RERE: variants seen among roughly 807,000 people sequenced by gnomAD.
The protein encoded by RERE is arginine-glutamic acid dipeptide repeats.
In RERE, 40 loss-of-function variants were observed where a neutral mutation model predicts 146.1. The ratio of observed to expected loss-of-function variants is 0.27; its 90% CI spans 0.21 to 0.36. RERE has a LOEUF of 0.36. Ranked by LOEUF, RERE falls within the 10% of genes least tolerant of loss-of-function variation. The probability of loss-of-function intolerance (pLI) is 1.00; values close to 1 mark genes in which losing one functional copy is unlikely to be tolerated. For missense variants in RERE, 1,933 were observed against 2,138.7 expected (o/e 0.90, Z 1.90); for synonymous variants, 1,003 against 866.0 (o/e 1.16, Z -2.78).
At chr1:8,414,834 A>T (rs2124461956) in intron 12 of RERE, among the ~76,000 whole-genome samples, 1 of 152,236 alleles carries the variant, frequency 6.6e-6, no homozygotes, top group Admixed American at 6.5e-5. Flanking sequence ...ATGGTTTTCA[A>T]ATTATACATG....
intron 1 of RERE, among the ~76,000 whole-genome samples, chr1:8,802,679 A>G (rs1165495199): frequency 1.3e-5 from 2 of 152,192 alleles, no homozygotes; most frequent in East Asian, 1.9e-4. Flanking sequence ...AGTTGTGTAC[A>G]TGTCTCATCT....
intron 1 of RERE, among the ~76,000 whole-genome samples, chr1:8,793,603 A>T (rs765518789): frequency 1.3e-5 from 2 of 152,216 alleles, no homozygotes; most frequent in Non-Finnish European, 2.9e-5. Context: ...TAACCAAACC[A>T]AAAGTGAGAA....
intron 12 of RERE, among the ~76,000 whole-genome samples, chr1:8,392,824 TC>T (rs1366180635): frequency 6.6e-6 from 1 of 152,236 alleles, no homozygotes; most frequent in Non-Finnish European, 1.5e-5. Flanking sequence ...GAGCAAAGTT[TC>T]AGCTCTTCGT....
At chr1:8,743,984 T>C (rs1177097521) in intron 1 of RERE, among the ~76,000 whole-genome samples, 1 of 152,214 alleles carries the variant, frequency 6.6e-6, no homozygotes, top group Admixed American at 6.5e-5. Flanking sequence ...TTGCTGCTGC[T>C]TCCTCAGCAC....
chr1:8,452,603 C>T (rs1272269095), intron 11 of RERE, among the ~76,000 whole-genome samples: 2 of 151,998 alleles, frequency 1.3e-5, no homozygotes, highest in Non-Finnish European at 2.9e-5. Flanking sequence ...GAAGAACAAA[C>T]TAACAATGAT....
At chr1:8,583,013 G>A (rs959883349) in intron 4 of RERE, among the ~76,000 whole-genome samples, 1 of 152,128 alleles carries the variant, frequency 6.6e-6, no homozygotes, top group African/African-American at 2.4e-5. Context: ...AGGATAAAAC[G>A]ATTCCTCTGT....
intron 4 of RERE, among the ~76,000 whole-genome samples, chr1:8,590,078 AG>A (rs1322742462): frequency 5.9e-5 from 9 of 152,292 alleles, no homozygotes; most frequent in African/African-American, 2.2e-4. Flanking sequence ...AGTCCCTTGC[AG>A]GAACACTCCT....
intron 12 of RERE, among the ~76,000 whole-genome samples, chr1:8,414,493 T>G (rs1390088838): frequency 6.7e-6 from 1 of 149,542 alleles, no homozygotes; most frequent in South Asian, 2.1e-4. Flanking sequence ...GAGGTGGAGG[T>G]TGCGGTGAGC....
chr1:8,581,052 C>T (rs1158978786), intron 4 of RERE, among the ~76,000 whole-genome samples: 2 of 152,122 alleles, frequency 1.3e-5, no homozygotes, highest in African/African-American at 2.4e-5. Flanking sequence ...TCATATTTAA[C>T]TTTTTAAGAA....
intron 1 of RERE, among the ~76,000 whole-genome samples, chr1:8,741,647 T>C (rs1640312382): frequency 6.6e-6 from 1 of 152,206 alleles, no homozygotes; most frequent in African/African-American, 2.4e-5. Context: ...TCCCTTCACC[T>C]TCCACCATGA....
chr1:8,608,487 G>C (rs1646750118), intron 4 of RERE, among the ~76,000 whole-genome samples: 1 of 152,124 alleles, frequency 6.6e-6, no homozygotes, highest in Non-Finnish European at 1.5e-5. Flanking sequence ...CTGGGTGACA[G>C]AGTGAGACCC....
chr1:8,538,664 T>C (rs866816856), intron 7 of RERE, among the ~76,000 whole-genome samples: 3 of 152,216 alleles, frequency 2.0e-5, no homozygotes, highest in African/African-American at 7.2e-5. Context: ...AAAGTTTACT[T>C]ATAAATGGGC....
At chr1:8,522,138 C>T (rs1029351677) in intron 7 of RERE, among the ~76,000 whole-genome samples, 2 of 152,186 alleles carry the variant, frequency 1.3e-5, no homozygotes, top group Admixed American at 6.5e-5. Flanking sequence ...TGCTTTATCA[C>T]CCACAGTTGC....
chr1:8,749,780 T>C (rs1237958645), intron 1 of RERE, among the ~76,000 whole-genome samples: 1 of 152,112 alleles, frequency 6.6e-6, no homozygotes, highest in Non-Finnish European at 1.5e-5. Context: ...AGAATGAGAA[T>C]CTGGAGGGTT....
intron 10 of RERE, among the ~76,000 whole-genome samples, chr1:8,480,438 A>ATT (rs774790710): frequency 2.8e-5 from 3 of 108,906 alleles, no homozygotes; most frequent in Non-Finnish European, 3.8e-5. Flanking sequence ...AGGCCCGGAA[A>ATT]TTTTTTTTTT....
In RERE at chr1:8,384,843, C is replaced by A. The variant is rs187933349; in HGVS notation, c.1285-18869G>T. ...AGGAATGGCAGTGGCATGTGACCAG[C>A]GTTCCTGAGTGGCAGAGGGCAACAG... On this transcript the variant is annotated intron_variant, in intron 12 of 22. Transcript: ENST00000400908. 6.6e-5 allele frequency among the ~76,000 whole-genome samples: 10 copies of A among 152,336 alleles called. 1 individual carries two copies. In the East Asian group the frequency reaches 1.3e-3, roughly 21 times the overall value.
intron 1 of RERE, among the ~76,000 whole-genome samples, chr1:8,793,406 A>C (rs1569810293): frequency 6.6e-6 from 1 of 152,298 alleles, no homozygotes; most frequent in African/African-American, 2.4e-5. Flanking sequence ...GATATCCTCA[A>C]AAGATGTCTT....
chr1:8,481,410 G>A (rs1180238660), intron 10 of RERE, among the ~76,000 whole-genome samples: 4 of 152,070 alleles, frequency 2.6e-5, no homozygotes, highest in Non-Finnish European at 4.4e-5. Flanking sequence ...CACCGCACCC[G>A]GCCCGATTAA....
intron 12 of RERE, among the ~76,000 whole-genome samples, chr1:8,400,285 GCT>G: frequency 7.1e-6 from 1 of 140,392 alleles, no homozygotes; most frequent in East Asian, 2.4e-4. Context: ...ACAAAGTCAT[GCT>G]CTGTTACCCA....
Sources: allele counts gnomAD v4.1 joint callset (sites outside exome capture counted in the v4.1 genomes callset), GRCh38; gene constraint gnomAD v4.1.1; transcripts MANE v1.5; gene names NCBI Gene and HGNC (gene_info 2026-07-23, HGNC 2026-07-21).